CCDC192: variants seen among roughly 807,000 people sequenced by gnomAD.
The protein encoded by CCDC192 is coiled-coil domain containing 192, also known as coiled-coil domain-containing protein 192.
At chr5:127,737,357 G>A (rs1392510906) in intron 2 of CCDC192, among the ~76,000 whole-genome samples, 1 of 152,034 alleles carries the variant, frequency 6.6e-6, no homozygotes, top group Non-Finnish European at 1.5e-5. Flanking sequence ...CAAGTATGTG[G>A]TCAGTTTTGG....
At chr5:127,749,660 A>G (rs1754010321) in intron 2 of CCDC192, among the ~76,000 whole-genome samples, 3 of 151,802 alleles carry the variant, frequency 2.0e-5, no homozygotes, top group Non-Finnish European at 2.9e-5. Context: ...CTCTTTTTCT[A>G]TTGATTGGAA....
At chr5:127,899,355 G>A (rs1752979592) in intron 6 of CCDC192, among the ~76,000 whole-genome samples, 2 of 152,106 alleles carry the variant, frequency 1.3e-5, no homozygotes, top group Admixed American at 6.6e-5. Context: ...CTGCTCTGAG[G>A]CTGTTGACCA....
At chr5:127,931,856 CA>C (rs1754036836) in intron 6 of CCDC192, among the ~76,000 whole-genome samples, 2 of 151,848 alleles carry the variant, frequency 1.3e-5, no homozygotes, top group Admixed American at 1.3e-4. Flanking sequence ...TGTTTTCTAT[CA>C]AAAAAGAAAG....
At position 127,712,683 on chromosome 5, in the gene CCDC192, A is replaced by G. The variant is rs1751406306; in HGVS notation, c.114+4923A>G. Among the ~76,000 whole-genome samples the G allele has an allele frequency of 3.3e-5, 5 of 152,192 alleles. No homozygotes were observed. The South Asian group carries it at 1.0e-3, about 31-fold the overall frequency. ...GTTGACTGACATTTAGATTATTTCCAGTTTTAGGCTCTTAAAAATAAGGCT... is the reference window on the plus strand; with the variant it reads ...GTTGACTGACATTTAGATTATTTCCGGTTTTAGGCTCTTAAAAATAAGGCT... On this transcript the variant is annotated intron_variant, in intron 2 of 6. Transcript: ENST00000514853.
At chr5:127,787,470 G>T (rs1462271736) in intron 3 of CCDC192, among the ~76,000 whole-genome samples, 1 of 152,126 alleles carries the variant, frequency 6.6e-6, no homozygotes, top group Non-Finnish European at 1.5e-5. Flanking sequence ...AATTTGCCTT[G>T]TGATTTTTTC....
At chr5:127,712,956 C>A (rs577127239) in intron 2 of CCDC192, among the ~76,000 whole-genome samples, 1 of 152,276 alleles carries the variant, frequency 6.6e-6, no homozygotes, top group South Asian at 2.1e-4. Flanking sequence ...ATTCTGTGGC[C>A]GGGTACAGTG....
At chr5:127,881,445 C>A (rs1021117054) in intron 6 of CCDC192, among the ~76,000 whole-genome samples, 5 of 152,158 alleles carry the variant, frequency 3.3e-5, no homozygotes, top group African/African-American at 1.2e-4. Context: ...TTGCTTGGTT[C>A]ATTTTCTAAG....
intron 6 of CCDC192, among the ~76,000 whole-genome samples, chr5:127,907,425 C>G (rs911967905): frequency 1.3e-5 from 2 of 152,018 alleles, no homozygotes; most frequent in African/African-American, 4.8e-5. Context: ...TACAATTCTT[C>G]AGTTATTGTG....
At chr5:127,931,556 A>G (rs1244062391) in intron 6 of CCDC192, among the ~76,000 whole-genome samples, 1 of 152,150 alleles carries the variant, frequency 6.6e-6, no homozygotes, top group Non-Finnish European at 1.5e-5. Context: ...TTTCTGGCCT[A>G]CCTGTTAGGA....
At chr5:127,739,386 T>C (rs1753255436) in intron 2 of CCDC192, among the ~76,000 whole-genome samples, 1 of 152,126 alleles carries the variant, frequency 6.6e-6, no homozygotes, top group African/African-American at 2.4e-5. Context: ...TCTTTTTGTT[T>C]GTCTGTGCCC....
chr5:127,934,463 G>A (rs918490334), intron 6 of CCDC192, among the ~76,000 whole-genome samples: 3 of 151,940 alleles, frequency 2.0e-5, no homozygotes. Flanking sequence ...CAATTAACAC[G>A]TGCCTACTTC....
At chr5:127,772,196 C>T (rs945338120) in intron 3 of CCDC192, among the ~76,000 whole-genome samples, 1 of 152,146 alleles carries the variant, frequency 6.6e-6, no homozygotes, top group Non-Finnish European at 1.5e-5. Context: ...TGCAGTGGCT[C>T]ACACCTGTAA....
chr5:127,778,146 AG>A (rs769967732), intron 3 of CCDC192, among the ~76,000 whole-genome samples: 122 of 152,302 alleles, frequency 8.0e-4, no homozygotes, highest in Middle Eastern at 3.4e-3. Flanking sequence ...TAGGACTTTC[AG>A]TACAAGGTTG....
In CCDC192 at chr5:127,852,043, C is replaced by T. The variant is rs142488194; in HGVS notation, c.412-23495C>T. 3.9e-3 allele frequency among the ~76,000 whole-genome samples: 596 copies of T among 152,280 alleles called. 3 individuals are homozygous for T. The highest frequency in any genetic ancestry group is 0.013 in the African/African-American group (558 of 41,556). ...TTTAACAGTTAAAATTAAATGTGAA[C>T]ACTAGTTTTATGGTCCCCTCTCTGC... On this transcript the variant is annotated intron_variant, in intron 5 of 6. Coordinates refer to ENST00000514853, the MANE Select transcript of CCDC192 (RefSeq NM_001317938.2).
intron 6 of CCDC192, among the ~76,000 whole-genome samples, chr5:127,918,116 CAG>C (rs1753580148): frequency 6.7e-6 from 1 of 150,328 alleles, no homozygotes. Context: ...GTCTGGGTAA[CAG>C]AGCAAGACCC....
At chr5:127,902,503 G>A (rs369532280) in intron 6 of CCDC192, among the ~76,000 whole-genome samples, 1 of 152,044 alleles carries the variant, frequency 6.6e-6, no homozygotes, top group African/African-American at 2.4e-5. Flanking sequence ...TAACATAAAC[G>A]TTCCTTACTT....
At chr5:127,819,659 T>C (rs943855610) in intron 5 of CCDC192, among the ~76,000 whole-genome samples, 3 of 152,232 alleles carry the variant, frequency 2.0e-5, no homozygotes, top group Non-Finnish European at 2.9e-5. Context: ...TAGATGTCTT[T>C]ACTTCTAAAA....
intron 5 of CCDC192, among the ~76,000 whole-genome samples, chr5:127,859,046 A>G (rs367672300): frequency 7.2e-5 from 11 of 152,314 alleles, no homozygotes; most frequent in African/African-American, 7.2e-5. Flanking sequence ...AACACTGCCA[A>G]TGTCCTCATG....
chr5:127,931,292 G>T (rs1754024057), intron 6 of CCDC192, among the ~76,000 whole-genome samples: 2 of 152,122 alleles, frequency 1.3e-5, no homozygotes, highest in African/African-American at 4.8e-5. Flanking sequence ...AGCAAAAACA[G>T]AAACAAACCC....
Sources: gnomAD v4.1 joint callset for allele counts (sites outside exome capture counted in the v4.1 genomes callset) on GRCh38, gnomAD v4.1.1 for gene constraint, MANE v1.5 for transcripts, NCBI Gene and HGNC (gene_info 2026-07-23, HGNC 2026-07-21) for gene names.